The following TNFRSF9 variants were observed in gnomAD, a reference collection of about 807,000 sequenced individuals.
TNFRSF9 encodes TNF receptor superfamily member 9, also known as tumor necrosis factor receptor superfamily member 9.
TNFRSF9 carries 16 observed loss-of-function variants against 28.8 expected under a neutral mutation model. The observed-to-expected ratio is 0.55, with a 90% CI of 0.38 to 0.84. The LOEUF is 0.84. TNFRSF9 is among the 40% of genes least tolerant of loss of function. TNFRSF9 has a pLI of 0.00. For missense variants in TNFRSF9, 303 were observed against 315.0 expected, an observed-to-expected ratio of 0.96 and a Z score of 0.29; for synonymous variants, 131 against 117.0, an observed-to-expected ratio of 1.12 and a Z score of -0.77.
chr1:7,923,511 T>C (rs1578070201), intron 7 of TNFRSF9, among the ~76,000 whole-genome samples: 1 of 152,184 alleles, frequency 6.6e-6, no homozygotes, highest in Non-Finnish European at 1.5e-5. Flanking sequence ...CCTAGAGTGA[T>C]GTCAGAGGAA....
At chr1:7,935,413 G>A (rs575556626) in intron 5 of TNFRSF9, among the ~76,000 whole-genome samples, 48 of 152,156 alleles carry the variant, frequency 3.2e-4, no homozygotes, top group South Asian at 2.1e-4. Flanking sequence ...AATCGGACTT[G>A]ACCATCTCCG....
chr1:7,939,845 C>A (rs1438763494), intron 2 of TNFRSF9, 50 bp downstream of exon 2: 1 of 1,437,260 alleles, frequency 7.0e-7, no homozygotes. Flanking sequence ...ACTAACTGAA[C>A]CATACTTCCA....
chr1:7,927,206 C>CA (rs1358344628), intron 7 of TNFRSF9, among the ~76,000 whole-genome samples: 1 of 152,172 alleles, frequency 6.6e-6, no homozygotes, highest in African/African-American at 2.4e-5. Flanking sequence ...GCCCTGCCAC[C>CA]AAAAAGTTTG....
chr1:7,924,997 T>A lies in TNFRSF9; in HGVS notation c.680-4074A>T, dbSNP rs184846997. 1.3e-3 allele frequency among the ~76,000 whole-genome samples: 200 copies of A among 151,972 alleles called. 1 individual carries two copies. Among genetic ancestry groups the A allele is most frequent in the Non-Finnish European group, 4.4e-4 (30 of 67,958 alleles). On this transcript the variant is annotated intron_variant, in intron 7 of 7. Coordinates refer to ENST00000377507, the MANE Select transcript of TNFRSF9 (RefSeq NM_001561.6). ...TAAGCTAAGAGTTATTACAAAAGAG[T>A]CAAAAAGTTAAAAAAAATTTTTTTT...
chr1:7,938,434 T>C, intron 3 of TNFRSF9, 104 bp from the exon 4 acceptor site: 1 of 1,250,208 alleles, frequency 8.0e-7, no homozygotes, highest in East Asian at 2.7e-5. Context: ...CTACTTATAG[T>C]GTTCCCAGTA....
chr1:7,932,287 TTA>T (rs891635512), intron 7 of TNFRSF9, among the ~76,000 whole-genome samples: 22 of 152,228 alleles, frequency 1.4e-4, no homozygotes, highest in African/African-American at 5.3e-4. Flanking sequence ...TTATTAAGTC[TTA>T]TTAAGCCTGT....
At chr1:7,925,443 A>T (rs1272111610) in intron 7 of TNFRSF9, among the ~76,000 whole-genome samples, 1 of 152,228 alleles carries the variant, frequency 6.6e-6, no homozygotes, top group Non-Finnish European at 1.5e-5. Flanking sequence ...GATATACAGC[A>T]GAGGTCCCCA....
At chr1:7,930,261 C>G (rs972122850) in intron 7 of TNFRSF9, among the ~76,000 whole-genome samples, 2 of 152,122 alleles carry the variant, frequency 1.3e-5, no homozygotes, top group East Asian at 3.8e-4. Context: ...AGCCACAGCG[C>G]CCAGCCAGAA....
At chr1:7,933,449 T>G (rs188652565) in intron 6 of TNFRSF9, among the ~76,000 whole-genome samples, 153 bp from the exon 7 acceptor site, 1 of 152,164 alleles carries the variant, frequency 6.6e-6, no homozygotes, top group Non-Finnish European at 1.5e-5. Context: ...AGAAAACTTT[T>G]AAAGAGGCCA....
At position 7,938,340 on chromosome 1, in the gene TNFRSF9, C is replaced by G. The variant is rs748619368; in HGVS notation, c.209-10G>C. 2.5e-6 allele frequency: 4 copies of G among 1,580,188 alleles called. No homozygotes were observed. The highest frequency in any genetic ancestry group is 2.3e-5 in the East Asian group (1 of 43,726). On this transcript the variant is annotated splice_polypyrimidine_tract_variant and intron_variant, in intron 3 of 7. Coordinates refer to ENST00000377507, the MANE Select transcript of TNFRSF9 (RefSeq NM_001561.6). ...CTGGTCCTGAAAACACCTACAAAGTCCCCCCAGCCCCCAACATTTTATTAC... is the reference window on the plus strand; with the variant it reads ...CTGGTCCTGAAAACACCTACAAAGTGCCCCCAGCCCCCAACATTTTATTAC...
At position 7,920,492 on chromosome 1, in the gene TNFRSF9, AC is replaced by A; in HGVS notation, c.*342del. ...AAATGCCATCTTTACCAAACAAAAA[AC>A]AAAAAAGTTAGTCAGGTGTGGTGGC... On this transcript the variant is annotated 3_prime_UTR_variant, in exon 8 of 8. Transcript: ENST00000377507. 1 of 200,164 alleles carries A rather than the reference AC, an allele frequency of 5.0e-6. No homozygotes were observed. The allele number at this position is 200,164 out of a possible 1,614,324, so 12.4% of individuals were successfully genotyped here. A position where few individuals can be genotyped will look rare whatever the true frequency, so the allele number is the denominator to read the frequency against.
intron 7 of TNFRSF9, among the ~76,000 whole-genome samples, chr1:7,923,355 A>G (rs1257555867): frequency 6.6e-6 from 1 of 152,154 alleles, no homozygotes; most frequent in African/African-American, 2.4e-5. Flanking sequence ...CTCCTGGGGT[A>G]GTGTCAGAGG....
At position 7,938,314 on chromosome 1, in the gene TNFRSF9, C is replaced by T. The variant is rs1467407607; in HGVS notation, c.225G>A (p.Arg75=). The T allele has an allele frequency of 6.2e-7, 1 of 1,605,724 alleles. No individual in the cohort carries two copies. The stretch of plus-strand genomic sequence containing the variant: ...CATTGCTGGTGGAGGAACACTCCTT[C>T]CTGGTCCTGAAAACACCTACAAAGT... ...CRQCKGVFRT[R]KECSSTSNAE... The change falls in exon 4 of 8, where the codon AGG becomes AGA. Residue 75 remains arginine (R), a synonymous_variant. Transcript: ENST00000377507.
intron 7 of TNFRSF9, 70 bp downstream of exon 7, chr1:7,933,092 A>G: frequency 1.3e-6 from 2 of 1,518,796 alleles, no homozygotes; most frequent in Non-Finnish European, 1.8e-6. Flanking sequence ...TTTTTTTAAA[A>G]TCATATTTTC....
At position 7,939,942 on chromosome 1, in the gene TNFRSF9, A is replaced by G. The variant is rs1639877131; in HGVS notation, c.53T>C (p.Phe18Ser). 6.2e-7 allele frequency: 1 copy of G among 1,606,740 alleles called. No individual in the cohort carries two copies. The highest frequency in any genetic ancestry group is 8.5e-7 in the Non-Finnish European group (1 of 1,173,956). Reference sequence around the variant, plus strand: ...ATCCTGCAATGATCTTGTCCTCTCAAAGTTGAGGACCAGCAACAGAGTGGC... The same window carrying G: ...ATCCTGCAATGATCTTGTCCTCTCAGAGTTGAGGACCAGCAACAGAGTGGC... ...IVATLLLVLN[F>S]ERTRSLQDPC... Residue 18 changes from phenylalanine to serine, a missense_variant, in exon 2 of 8, where the codon TTT becomes TCT. Phe to Ser is a radical substitution (Grantham distance 155). Transcript: ENST00000377507.
chr1:7,930,512 C>T (rs1442351138), intron 7 of TNFRSF9, among the ~76,000 whole-genome samples: 1 of 152,158 alleles, frequency 6.6e-6, no homozygotes, highest in Non-Finnish European at 1.5e-5. Flanking sequence ...AAGTCCAGCA[C>T]TTTGGGAAAC....
chr1:7,925,700 G>A (rs1346305007), intron 7 of TNFRSF9, among the ~76,000 whole-genome samples: 1 of 152,214 alleles, frequency 6.6e-6, no homozygotes, highest in Non-Finnish European at 1.5e-5. Context: ...AACAGTGACA[G>A]ATCATCAGGT....
rs1322766536 is a variant in TNFRSF9, at chr1:7,940,139, C to T, written c.-84-61G>A. On this transcript the variant is annotated intron_variant, in intron 1 of 7. Coordinates refer to ENST00000377507, the MANE Select transcript of TNFRSF9 (RefSeq NM_001561.6). ...TCTCCTTTCAAAATTATCTATATTG[C>T]AATCATTACTTATACAATTCTATAA... The T allele has an allele frequency of 7.3e-6, 4 of 549,066 alleles. No individual in the cohort carries two copies. The East Asian group carries it at 1.1e-4, about 16-fold the overall frequency. The allele number at this position is 549,066 out of a possible 1,614,324, so 34.0% of individuals were successfully genotyped here.
At position 7,937,223 on chromosome 1, in the gene TNFRSF9, G is replaced by A. The variant is rs9657969; in HGVS notation, c.413+467C>T. On this transcript the variant is annotated intron_variant, in intron 5 of 7. Coordinates refer to ENST00000377507, the MANE Select transcript of TNFRSF9 (RefSeq NM_001561.6). ...AGGCTCTCTGCTCTGGAGTGCGATGGTGCGATCATAGCTCATTGCAGCCTC... is the reference window on the plus strand; with the variant it reads ...AGGCTCTCTGCTCTGGAGTGCGATGATGCGATCATAGCTCATTGCAGCCTC... 1.1e-4 allele frequency among the ~76,000 whole-genome samples: 17 copies of A among 152,226 alleles called. No individual in the cohort carries two copies. The East Asian group carries it at 3.3e-3, about 29-fold the overall frequency.
Sources: allele counts gnomAD v4.1 joint callset (sites outside exome capture counted in the v4.1 genomes callset), GRCh38; gene constraint gnomAD v4.1.1; transcripts MANE v1.5; gene names NCBI Gene and HGNC (gene_info 2026-07-23, HGNC 2026-07-21).